MRPL19: variants seen among roughly 807,000 people sequenced by gnomAD.
MRPL19 encodes the protein large ribosomal subunit protein bL19m.
A neutral mutation model predicts 34.0 loss-of-function variants in MRPL19; 31 were observed. The observed-to-expected ratio is 0.91, with a 90% CI of 0.68 to 1.23. The LOEUF (loss-of-function observed/expected upper bound fraction) is 1.23, where lower values mean the gene tolerates loss of function less well. Among genes scored for constraint, MRPL19 ranks in the 50% most tolerant of loss-of-function variants. The pLI is 0.00. For synonymous variants in MRPL19, 152 were observed against 127.7 expected, an observed-to-expected ratio of 1.19 and a Z score of -1.28; for missense variants, 384 against 367.6, an observed-to-expected ratio of 1.04 and a Z score of -0.37.
At chr2:75,649,607 A>G (rs879933906) in intron 2 of MRPL19, among the ~76,000 whole-genome samples, 28 of 152,178 alleles carry the variant, frequency 1.8e-4, no homozygotes, top group Non-Finnish European at 3.2e-4. Flanking sequence ...TATTCTTAGC[A>G]TAAGCCTTCT....
Position 75,647,116 on chromosome 2 carries a change from C to T in MRPL19, c.118C>T (p.Pro40Ser), listed in dbSNP as rs758688463. 1 of 1,586,696 alleles carries T rather than the reference C, an allele frequency of 6.3e-7. No individual in the cohort carries two copies. Residue 40 changes from proline to serine, a missense_variant, in exon 2 of 6, where the codon CCT becomes TCT. By Grantham distance (74) the Pro-to-Ser change is moderately conservative. Coordinates refer to ENST00000393909, the MANE Select transcript of MRPL19 (RefSeq NM_014763.4). ...ASIACRVHAG[P>S]VRQQSTGPSE... ...CGCTCCCGCAGGGGTCCACGCGGGG[C>T]CTGTCCGGCAGCAGAGCACTGGGCC...
Position 75,656,261 on chromosome 2 carries a change from T to G in MRPL19, c.*976T>G, listed in dbSNP as rs1266428250. The G allele has an allele frequency of 6.6e-6, 1 of 152,202 alleles. No homozygotes were observed. Among genetic ancestry groups the G allele is most frequent in the Non-Finnish European group, 1.5e-5 (1 of 68,038 alleles). 9.4% of individuals were successfully genotyped at this position (152,202 alleles called of 1,614,324 possible). On this transcript the variant is annotated 3_prime_UTR_variant, in exon 6 of 6. Transcript: ENST00000393909. ...CAGCATGGATTGGAAAGCTGGGGTA[T>G]AAGCACACATGCTAAAGAAAAACAT... is the stretch of plus-strand genomic sequence containing the variant.
intron 4 of MRPL19, 22 bp from the exon 5 acceptor site, chr2:75,654,714 A>G (rs779004535): frequency 1.2e-6 from 2 of 1,609,720 alleles, no homozygotes; most frequent in Non-Finnish European, 1.7e-6. Context: ...GATTGTAAGA[A>G]TATGTTTTCT....
In MRPL19 at chr2:75,646,886, C is replaced by T. The variant is rs1363545100; in HGVS notation, c.79C>T (p.Pro27Ser). ...TTTCCAAGCCGCCAGGACTCTGCTC[C>T]CCCCGCCGGCCTCTATCGCCTGCAG... ...RSFQAARTLL[P>S]PPASIACRVH... The change falls in exon 1 of 6, where the codon CCC becomes TCC. Residue 27 changes from proline to serine, a missense_variant. Coordinates refer to ENST00000393909, the MANE Select transcript of MRPL19 (RefSeq NM_014763.4). 4 of 1,593,928 alleles carry T rather than the reference C, an allele frequency of 2.5e-6. No individual in the cohort carries two copies. The highest frequency in any genetic ancestry group is 3.4e-6 in the Non-Finnish European group (4 of 1,170,658).
At chr2:75,647,998 G>A (rs1445401854) in intron 2 of MRPL19, among the ~76,000 whole-genome samples, 3 of 151,670 alleles carry the variant, frequency 2.0e-5, no homozygotes, top group African/African-American at 7.3e-5. Context: ...TGATCCTCCC[G>A]CCTCAGGCTC....
At position 75,657,491 on chromosome 2, in the gene MRPL19, C is replaced by G. The variant is rs1678486212; in HGVS notation, c.*2206C>G. 1 of 152,146 alleles carries G rather than the reference C, an allele frequency of 6.6e-6. No individual in the cohort carries two copies. Among genetic ancestry groups the G allele is most frequent in the Admixed American group, 6.5e-5 (1 of 15,270 alleles). 9.4% of individuals were successfully genotyped at this position (152,146 alleles called of 1,614,324 possible). A position where few individuals can be genotyped will look rare whatever the true frequency, so the allele number is the denominator to read the frequency against. ...CTACTGTCAACAAGTAATAGATATCCTATCCTTCACTTGTTTAGATTATTT... is the reference window on the plus strand; with the variant it reads ...CTACTGTCAACAAGTAATAGATATCGTATCCTTCACTTGTTTAGATTATTT... On this transcript the variant is annotated 3_prime_UTR_variant, in exon 6 of 6. Coordinates refer to ENST00000393909, the MANE Select transcript of MRPL19 (RefSeq NM_014763.4).
chr2:75,658,196 A>G lies in MRPL19; in HGVS notation c.*2911A>G, dbSNP rs72818738. ...CTCAAGCAATCCTCCTTGAGTAGCT[A>G]AGACTATAGGCACACATTAACTGCG... On this transcript the variant is annotated 3_prime_UTR_variant, in exon 6 of 6. Coordinates refer to ENST00000393909, the MANE Select transcript of MRPL19 (RefSeq NM_014763.4). Among the ~76,000 whole-genome samples, 15,272 of 152,050 alleles carry G rather than the reference A, an allele frequency of 0.1. 810 individuals are homozygous for G. The highest frequency in any genetic ancestry group is 0.13 in the Non-Finnish European group (8,824 of 67,940).
chr2:75,654,766 C>G lies in MRPL19; in HGVS notation c.506C>G (p.Pro169Arg). The G allele has an allele frequency of 6.2e-7, 1 of 1,613,504 alleles. No individual in the cohort carries two copies. Among genetic ancestry groups the G allele is most frequent in the Non-Finnish European group, 8.5e-7 (1 of 1,179,718 alleles). ...GVEICFELYN[P>R]RVQEIQVVKL... is the part of the protein sequence containing the mutation. ...GAGATTTGCTTTGAACTTTATAATCCTCGGGTCCAGGAGATTCAGGTGGTC... is the reference window on the plus strand; with the variant it reads ...GAGATTTGCTTTGAACTTTATAATCGTCGGGTCCAGGAGATTCAGGTGGTC... The change falls in exon 5 of 6, where the codon CCT becomes CGT. Residue 169 changes from proline (P) to arginine (R), a missense_variant. Physicochemically the swap from Pro to Arg is moderately radical, Grantham distance 103. Coordinates refer to ENST00000393909, the MANE Select transcript of MRPL19 (RefSeq NM_014763.4).
At chr2:75,650,050 T>C (rs968493133) in intron 2 of MRPL19, among the ~76,000 whole-genome samples, 3 of 152,164 alleles carry the variant, frequency 2.0e-5, no homozygotes, top group African/African-American at 7.2e-5. Flanking sequence ...TTACTATTTT[T>C]TGGTAGGCTT....
At position 75,659,219 on chromosome 2, in the gene MRPL19, C is replaced by A. The variant is rs1455984075; in HGVS notation, c.*3934C>A. ...TATGGGGATTATAGTTAACATCCTA[C>A]ACTTAAAACAATCTAATTTAAACTG... is the stretch of plus-strand genomic sequence containing the variant. On this transcript the variant is annotated 3_prime_UTR_variant, in exon 6 of 6. Transcript: ENST00000393909. Among the ~76,000 whole-genome samples, 1 of 151,984 alleles carries A rather than the reference C, an allele frequency of 6.6e-6. No individual in the cohort carries two copies. The highest frequency in any genetic ancestry group is 1.5e-5 in the Non-Finnish European group (1 of 67,952).
chr2:75,652,349 A>G, intron 3 of MRPL19, 89 bp downstream of exon 3: 1 of 1,311,306 alleles, frequency 7.6e-7, no homozygotes, highest in Admixed American at 2.2e-5. Context: ...GCAAAAGAAG[A>G]TTGTTTTTTA....
chr2:75,658,825 A>C lies in MRPL19; in HGVS notation c.*3540A>C, dbSNP rs1266295640. ...TGTCTCTTAGGTCAAGGTGGTTTAC[A>C]ATGTGTTAAGGTTCTCTTTTTTTAA... On this transcript the variant is annotated 3_prime_UTR_variant, in exon 6 of 6. Transcript: ENST00000393909. Among the ~76,000 whole-genome samples, 1 of 152,096 alleles carries C rather than the reference A, an allele frequency of 6.6e-6. No individual in the cohort carries two copies. Among genetic ancestry groups the C allele is most frequent in the Non-Finnish European group, 1.5e-5 (1 of 67,994 alleles).
At chr2:75,654,952 T>G (rs1424326295) in intron 5 of MRPL19, 35 bp downstream of exon 5, 3 of 1,563,052 alleles carry the variant, frequency 1.9e-6, no homozygotes, top group Non-Finnish European at 2.6e-6. Context: ...GAAGTTCAAG[T>G]ATAAAATAAG....
chr2:75,647,727 G>C (rs1678253214), intron 2 of MRPL19: 1 of 152,440 alleles, frequency 6.6e-6, no homozygotes. Context: ...TGGTAATCTT[G>C]GAGGTACATG....
intron 2 of MRPL19, among the ~76,000 whole-genome samples, chr2:75,648,285 C>T (rs1318697189): frequency 6.6e-6 from 1 of 151,950 alleles, no homozygotes; most frequent in Admixed American, 6.6e-5. Context: ...TTGTGTATAC[C>T]TTCTCACTCA....
Position 75,652,255 on chromosome 2 carries a change from A to C in MRPL19, c.335A>C (p.Tyr112Ser). The change falls in exon 3 of 6, where the codon TAT (tyrosine) becomes TCT (serine). Residue 112 changes from tyrosine to serine, a missense_variant. By Grantham distance (144) the Tyr-to-Ser change is moderately radical (BLOSUM62 -2). Transcript: ENST00000393909. ...AAAGTACTCCACATTCCAGAGTTCT[A>C]TGTTGGTCAGTAAGAGCTGTATGTT... ...RRKVLHIPEFYVGSILRVTTA... is the reference protein window; with the variant it reads ...RRKVLHIPEFSVGSILRVTTA... The C allele has an allele frequency of 1.3e-6, 2 of 1,548,538 alleles. No homozygotes were observed. The highest frequency in any genetic ancestry group is 1.2e-5 in the South Asian group (1 of 86,344).
intron 1 of MRPL19, 53 bp from the exon 2 acceptor site, chr2:75,647,049 C>A: frequency 6.6e-7 from 1 of 1,516,372 alleles, no homozygotes; most frequent in Non-Finnish European, 8.9e-7. Flanking sequence ...CGGGGCTCTG[C>A]GGGATCTCAG....
Position 75,655,391 on chromosome 2 carries a change from T to G in MRPL19, c.*106T>G. On this transcript the variant is annotated 3_prime_UTR_variant, in exon 6 of 6. Transcript: ENST00000393909. ...ATAAGAACATAGTAATTAAGTGAAC[T>G]AAGCATTCATTGTTTTATTAATACT... 1 of 767,736 alleles carries G rather than the reference T, an allele frequency of 1.3e-6. No individual in the cohort carries two copies. Among genetic ancestry groups the G allele is most frequent in the Non-Finnish European group, 2.0e-6 (1 of 488,508 alleles). The allele number at this position is 767,736 out of a possible 1,614,324, so 47.6% of individuals were successfully genotyped here. A position where few individuals can be genotyped will look rare whatever the true frequency, so the allele number is the denominator to read the frequency against.
chr2:75,659,996 A>G lies in MRPL19; in HGVS notation c.*4711A>G, dbSNP rs1678567902. Among the ~76,000 whole-genome samples, 4 of 151,542 alleles carry G rather than the reference A, an allele frequency of 2.6e-5. No homozygotes were observed. Among genetic ancestry groups the G allele is most frequent in the Admixed American group, 2.6e-4 (4 of 15,200 alleles). On this transcript the variant is annotated 3_prime_UTR_variant, in exon 6 of 6. Coordinates refer to ENST00000393909, the MANE Select transcript of MRPL19 (RefSeq NM_014763.4). ...TTTCCTTCTGAAATATTCTTAATGTATATGTTGGTCTGTTTGATGCTGTCT... is the reference window on the plus strand; with the variant it reads ...TTTCCTTCTGAAATATTCTTAATGTGTATGTTGGTCTGTTTGATGCTGTCT...
Sources: gnomAD v4.1 joint callset for allele counts (sites outside exome capture counted in the v4.1 genomes callset) on GRCh38, gnomAD v4.1.1 for gene constraint, MANE v1.5 for transcripts, NCBI Gene and HGNC (gene_info 2026-07-23, HGNC 2026-07-21) for gene names.